CDC42BPA: variants seen among roughly 807,000 people sequenced by gnomAD.
CDC42BPA encodes the protein serine/threonine-protein kinase MRCK alpha.
CDC42BPA carries 80 observed loss-of-function variants against 223.5 expected under a neutral mutation model. The ratio of observed to expected loss-of-function variants is 0.36; its 90% CI spans 0.30 to 0.43. The LOEUF is 0.43. Among genes scored for constraint, CDC42BPA ranks in the 20% least tolerant of loss-of-function variants. CDC42BPA has a pLI of 1.00. For synonymous variants in CDC42BPA, 694 were observed against 718.6 expected (o/e 0.97, Z 0.55); for missense variants, 1,743 against 2,099.9 (o/e 0.83, Z 3.32).
chr1:227,162,223 A>C (rs185346688), intron 5 of CDC42BPA, among the ~76,000 whole-genome samples: 1 of 151,942 alleles, frequency 6.6e-6, no homozygotes, highest in Admixed American at 6.6e-5. Context: ...CATATACATA[A>C]AGCATATTAT....
intron 5 of CDC42BPA, among the ~76,000 whole-genome samples, chr1:227,187,689 C>CCA (rs1485657420): frequency 3.9e-4 from 22 of 56,190 alleles, no homozygotes; most frequent in East Asian, 1.0e-3. Flanking sequence ...ACCCCCCCCC[C>CCA]AAAAAAAAAA....
At chr1:227,292,694 G>T (rs1421341084) in intron 1 of CDC42BPA, among the ~76,000 whole-genome samples, 1 of 152,206 alleles carries the variant, frequency 6.6e-6, no homozygotes, top group Non-Finnish European at 1.5e-5. Context: ...ATCAGGGTAA[G>T]AGGTATTTTA....
At chr1:227,080,775 T>C in intron 17 of CDC42BPA, 118 bp downstream of exon 17, 1 of 1,173,636 alleles carries the variant, frequency 8.5e-7, no homozygotes, top group Non-Finnish European at 1.2e-6. Flanking sequence ...TCAGAGTAAC[T>C]TATTTATCAC....
At chr1:227,298,169 TA>T (rs1691040976) in intron 1 of CDC42BPA, among the ~76,000 whole-genome samples, 1 of 151,686 alleles carries the variant, frequency 6.6e-6, no homozygotes, top group Non-Finnish European at 1.5e-5. Context: ...TTTTCCAGAA[TA>T]CCTCCCTCCC....
At chr1:227,070,864 G>C (rs1357882818) in intron 20 of CDC42BPA, among the ~76,000 whole-genome samples, 1 of 151,764 alleles carries the variant, frequency 6.6e-6, no homozygotes, top group African/African-American at 2.4e-5. Flanking sequence ...TCAAGTTTAG[G>C]TCTATTCTAA....
chr1:227,018,741 C>T (rs2104862), intron 32 of CDC42BPA, among the ~76,000 whole-genome samples: 18,744 of 152,166 alleles, frequency 0.12, 1,183 homozygotes, highest in East Asian at 0.17. Context: ...TAAAGCAAGT[C>T]ACACTATTTT....
intron 2 of CDC42BPA, among the ~76,000 whole-genome samples, chr1:227,227,239 T>G (rs994049598): frequency 1.3e-5 from 2 of 151,942 alleles, no homozygotes; most frequent in Non-Finnish European, 2.9e-5. Flanking sequence ...GTAGAAAATA[T>G]CCCGTCAACA....
rs553638851 is a variant in CDC42BPA at position 226,990,159 on chromosome 1, G to A, written c.*4109C>T. On this transcript the variant is annotated 3_prime_UTR_variant, in exon 37 of 37. Coordinates refer to ENST00000366766, the MANE Select transcript of CDC42BPA (RefSeq NM_001394014.1). ...TTCTAACCAAAAAATGATCACACCA[G>A]GCCATGCAAAACTGTACAATATTAC... 1.3e-5 allele frequency: 2 copies of A among 148,524 alleles called. No homozygotes were observed. The highest frequency in any genetic ancestry group is 4.3e-4 in the South Asian group (2 of 4,694). 9.2% of individuals were successfully genotyped at this position (148,524 alleles called of 1,614,324 possible).
chr1:227,222,995 C>T (rs1176541778), intron 2 of CDC42BPA, among the ~76,000 whole-genome samples: 1 of 152,080 alleles, frequency 6.6e-6, no homozygotes, highest in Non-Finnish European at 1.5e-5. Context: ...AGTACACAGA[C>T]AGTACCATAA....
At chr1:227,223,154 C>T (rs1676237752) in intron 2 of CDC42BPA, among the ~76,000 whole-genome samples, 1 of 151,554 alleles carries the variant, frequency 6.6e-6, no homozygotes, top group South Asian at 2.1e-4. Context: ...GTGGCTGACA[C>T]CTGAGTCTTA....
intron 34 of CDC42BPA, among the ~76,000 whole-genome samples, chr1:227,014,412 T>C (rs936536826): frequency 6.6e-5 from 10 of 152,072 alleles, no homozygotes; most frequent in African/African-American, 2.4e-4. Flanking sequence ...TATATAATAA[T>C]ATTTTGATAT....
chr1:227,090,423 TG>T (rs1682860467), intron 16 of CDC42BPA, among the ~76,000 whole-genome samples: 1 of 152,146 alleles, frequency 6.6e-6, no homozygotes, highest in African/African-American at 2.4e-5. Flanking sequence ...ATATTTTTAT[TG>T]GAGGAAAATA....
At chr1:227,196,985 T>C (rs1046546883) in intron 4 of CDC42BPA, among the ~76,000 whole-genome samples, 4 of 152,124 alleles carry the variant, frequency 2.6e-5, no homozygotes, top group Admixed American at 2.6e-4. Flanking sequence ...GAAAAAAAGA[T>C]CTAATCACAT....
At chr1:227,095,817 C>T (rs1250631480) in intron 15 of CDC42BPA, among the ~76,000 whole-genome samples, 2 of 152,110 alleles carry the variant, frequency 1.3e-5, no homozygotes, top group African/African-American at 4.8e-5. Flanking sequence ...GTCTCGAACT[C>T]CTGACCTCAG....
intron 22 of CDC42BPA, among the ~76,000 whole-genome samples, chr1:227,049,548 A>C (rs546698191): frequency 6.6e-6 from 1 of 152,250 alleles, no homozygotes; most frequent in African/African-American, 2.4e-5. Context: ...GTGAAATTTG[A>C]CAAGCTGACC....
chr1:227,257,038 A>T (rs1202289911), intron 1 of CDC42BPA, among the ~76,000 whole-genome samples: 1 of 151,864 alleles, frequency 6.6e-6, no homozygotes, highest in Non-Finnish European at 1.5e-5. Flanking sequence ...GATACGTGCT[A>T]TAATGTGGAT....
intron 32 of CDC42BPA, among the ~76,000 whole-genome samples, chr1:227,019,901 C>CTT (rs111365206): frequency 6.9e-6 from 1 of 145,746 alleles, no homozygotes; most frequent in South Asian, 2.2e-4. Context: ...TACCATAATT[C>CTT]TTTTTTTTTT....
At chr1:227,023,774 A>T (rs1336204739) in intron 31 of CDC42BPA, among the ~76,000 whole-genome samples, 1 of 152,224 alleles carries the variant, frequency 6.6e-6, no homozygotes, top group African/African-American at 2.4e-5. Flanking sequence ...TGATTGAGCA[A>T]CTGGTTATAC....
At chr1:227,015,888 A>G in intron 34 of CDC42BPA, among the ~76,000 whole-genome samples, 192 bp downstream of exon 34, 1 of 152,196 alleles carries the variant, frequency 6.6e-6, no homozygotes. Context: ...TTGGCTTTTG[A>G]CAGATGTCTA....
Sources: allele counts gnomAD v4.1 joint callset (sites outside exome capture counted in the v4.1 genomes callset), GRCh38; gene constraint gnomAD v4.1.1; transcripts MANE v1.5; gene names NCBI Gene and HGNC (gene_info 2026-07-23, HGNC 2026-07-21).